PCDHA9: variants seen among roughly 807,000 people sequenced by gnomAD.
PCDHA9 encodes protocadherin alpha-9.
In PCDHA9, 62 loss-of-function variants were observed where a neutral mutation model predicts 62.0. The ratio of observed to expected loss-of-function variants is 1.00; its 90% confidence interval spans 0.81 to 1.23. PCDHA9 has a LOEUF of 1.23. Ranked by LOEUF, PCDHA9 falls within the 50% of genes most tolerant of loss-of-function variation. The pLI, the probability that PCDHA9 is intolerant of heterozygous loss-of-function variation, is 0.00. For synonymous variants in PCDHA9, 557 were observed against 567.6 expected, an observed-to-expected ratio of 0.98 and a Z score of 0.27; for missense variants, 1,205 against 1,249.8, an observed-to-expected ratio of 0.96 and a Z score of 0.54.
At chr5:140,946,925 C>T (rs1431365562) in intron 1 of PCDHA9, among the ~76,000 whole-genome samples, 1 of 151,242 alleles carries the variant, frequency 6.6e-6, no homozygotes, top group South Asian at 2.1e-4. Context: ...TTTTATTGAA[C>T]AGTAGAGTGT....
Position 140,946,611 on chromosome 5 carries a change from AAT to A in PCDHA9, c.2395-32318_2395-32317del, listed in dbSNP as rs1554217734. On this transcript the variant is annotated intron_variant, in intron 1 of 3. Coordinates refer to ENST00000532602, the MANE Select transcript of PCDHA9 (RefSeq NM_031857.2). ...GGATGAATAGATAAAGAAAATGTGA[AAT>A]ATATATATATATATATATACAATGG... is the stretch of plus-strand genomic sequence containing the variant. 5.8e-3 allele frequency among the ~76,000 whole-genome samples: 503 copies of A among 86,618 alleles called. 18 individuals are homozygous for A. The highest frequency in any genetic ancestry group is 0.022 in the Middle Eastern group (4 of 186). The allele number at this position is 86,618 out of a possible 152,430, so 56.8% of individuals were successfully genotyped here. A position where few individuals can be genotyped will look rare whatever the true frequency, so the allele number is the denominator to read the frequency against.
chr5:140,981,101 G>A (rs1484209084), intron 2 of PCDHA9, among the ~76,000 whole-genome samples: 1 of 152,196 alleles, frequency 6.6e-6, no homozygotes, highest in Non-Finnish European at 1.5e-5. Flanking sequence ...TTTAATGAGT[G>A]AATTTCTACT....
chr5:140,885,485 T>C (rs2060611651), intron 1 of PCDHA9, among the ~76,000 whole-genome samples: 1 of 152,188 alleles, frequency 6.6e-6, no homozygotes, highest in Non-Finnish European at 1.5e-5. Context: ...GTGTCAAGTG[T>C]TCTGTTATCT....
At chr5:140,966,818 C>T in intron 1 of PCDHA9, 1 of 1,554,294 alleles carries the variant, frequency 6.4e-7, no homozygotes, top group Admixed American at 1.9e-5. Flanking sequence ...ACGGCTCCGG[C>T]GGCCCATGCC....
At chr5:140,854,210 T>C in intron 1 of PCDHA9, 2 of 643,974 alleles carry the variant, frequency 3.1e-6, no homozygotes, top group Non-Finnish European at 3.8e-6. Context: ...TTTTATTCAA[T>C]ATTGGACATC....
intron 1 of PCDHA9, chr5:140,851,724 A>G: frequency 1.0e-6 from 1 of 967,484 alleles, no homozygotes; most frequent in Non-Finnish European, 1.2e-6. Context: ...CGAAACTTCG[A>G]GTTCTTTTGA....
chr5:140,857,665 G>C, intron 1 of PCDHA9: 1 of 1,596,910 alleles, frequency 6.3e-7, no homozygotes, highest in East Asian at 2.2e-5. Flanking sequence ...CGCGCGATGG[G>C]GGCGTGCCGC....
intron 1 of PCDHA9, among the ~76,000 whole-genome samples, chr5:140,916,824 T>C (rs1207821220): frequency 6.6e-6 from 1 of 152,124 alleles, no homozygotes; most frequent in Non-Finnish European, 1.5e-5. Context: ...GCCACCCCTA[T>C]CCCTCTGGTT....
At chr5:140,952,789 A>T (rs564361136) in intron 1 of PCDHA9, among the ~76,000 whole-genome samples, 1 of 152,316 alleles carries the variant, frequency 6.6e-6, no homozygotes, top group South Asian at 2.1e-4. Context: ...AAAGAGGTTT[A>T]ACTGGCTCGC....
chr5:140,961,338 G>C (rs1554225370), intron 1 of PCDHA9, among the ~76,000 whole-genome samples: 1 of 152,170 alleles, frequency 6.6e-6, no homozygotes, highest in Non-Finnish European at 1.5e-5. Flanking sequence ...GAGACCAAGA[G>C]TGGATCCCTG....
intron 3 of PCDHA9, among the ~76,000 whole-genome samples, chr5:140,994,381 C>T (rs1339661887): frequency 6.6e-6 from 1 of 152,086 alleles, no homozygotes; most frequent in East Asian, 1.9e-4. Context: ...ATTCAGGGGA[C>T]TAAGTCAGAG....
chr5:140,875,409 A>C (rs2055459044), intron 1 of PCDHA9: 1 of 1,500,680 alleles, frequency 6.7e-7, no homozygotes, highest in African/African-American at 1.4e-5. Context: ...CTGCTCATAA[A>C]ATACCTCAGG....
chr5:140,875,668 G>A lies in PCDHA9; in HGVS notation c.2394+24779G>A, dbSNP rs1554167843. On this transcript the variant is annotated intron_variant, in intron 1 of 3. Transcript: ENST00000532602. ...GGAGCTGGTGCCGCGCCTGTTCCGG[G>A]TGGCGTCCAAAAGACACGGGGACCT... 4.3e-6 allele frequency: 7 copies of A among 1,613,726 alleles called. No homozygotes were observed. The highest frequency in any genetic ancestry group is 3.3e-5 in the South Asian group (3 of 91,074).
chr5:140,905,158 T>C (rs2071634583), intron 1 of PCDHA9, among the ~76,000 whole-genome samples: 1 of 152,256 alleles, frequency 6.6e-6, no homozygotes, highest in South Asian at 2.1e-4. Context: ...TTTAGAATTT[T>C]CATGGTTTCA....
chr5:140,992,485 A>T (rs1234957114), intron 3 of PCDHA9, among the ~76,000 whole-genome samples: 1 of 152,208 alleles, frequency 6.6e-6, no homozygotes, highest in Non-Finnish European at 1.5e-5. Flanking sequence ...CCCAGAGGCC[A>T]ATCTGTAAGG....
intron 3 of PCDHA9, 71 bp from the exon 4 acceptor site, chr5:141,009,556 A>T: frequency 6.4e-7 from 1 of 1,564,868 alleles, no homozygotes; most frequent in Non-Finnish European, 8.7e-7. Flanking sequence ...GTACTCCTGT[A>T]CTCTACCAGC....
intron 1 of PCDHA9, among the ~76,000 whole-genome samples, chr5:140,899,683 T>A (rs1554188699): frequency 6.6e-6 from 1 of 152,222 alleles, no homozygotes; most frequent in African/African-American, 2.4e-5. Flanking sequence ...ATCAGGATGA[T>A]GCTGGCCTCA....
Position 140,851,002 on chromosome 5 carries a change from A to T in PCDHA9, c.2394+113A>T. The stretch of plus-strand genomic sequence containing the variant: ...TTATTCATTTTTCTAGAAATCCAGC[A>T]GATTTTTTTTCTGATAAAGTAAACC... On this transcript the variant is annotated intron_variant, in intron 1 of 3. Coordinates refer to ENST00000532602, the MANE Select transcript of PCDHA9 (RefSeq NM_031857.2). 3 of 1,438,338 alleles carry T rather than the reference A, an allele frequency of 2.1e-6. No homozygotes were observed. In the East Asian group the frequency reaches 7.2e-5, roughly 35 times the overall value. 89.1% of individuals were successfully genotyped at this position (1,438,338 alleles called of 1,614,324 possible).
intron 1 of PCDHA9, chr5:140,967,546 C>T (rs199955615): frequency 6.8e-6 from 11 of 1,613,824 alleles, no homozygotes; most frequent in Non-Finnish European, 8.5e-6. Context: ...TTGACCAGTC[C>T]ACTTATCGCG....
Sources: allele counts gnomAD v4.1 joint callset (sites outside exome capture counted in the v4.1 genomes callset), GRCh38; gene constraint gnomAD v4.1.1; transcripts MANE v1.5; gene names NCBI Gene and HGNC (gene_info 2026-07-23, HGNC 2026-07-21).